The following RBFOX1 variants were observed in gnomAD, a reference collection of about 807,000 sequenced individuals.
The protein encoded by RBFOX1 is RNA binding fox-1 homolog 1, also known as RNA binding protein fox-1 homolog 1.
RBFOX1 carries 8 observed loss-of-function variants against 57.7 expected under a neutral mutation model. The observed-to-expected ratio is 0.14, with a 90% confidence interval of 0.08 to 0.25. The LOEUF (loss-of-function observed/expected upper bound fraction) is 0.25, where lower values mean the gene tolerates loss of function less well. Among genes scored for constraint, RBFOX1 ranks in the 10% least tolerant of loss-of-function variants. RBFOX1 has a pLI of 1.00. For synonymous variants in RBFOX1, 326 were observed against 222.4 expected, an observed-to-expected ratio of 1.47 and a Z score of -4.15; for missense variants, 611 against 548.5, an observed-to-expected ratio of 1.11 and a Z score of -1.14.
At chr16:6,473,257 T>C (rs1179141408) in intron 2 of RBFOX1, among the ~76,000 whole-genome samples, 1 of 152,208 alleles carries the variant, frequency 6.6e-6, no homozygotes, top group Non-Finnish European at 1.5e-5. Context: ...CCGAGGCTTT[T>C]TGTTGGCAGG....
chr16:5,788,206 G>C (rs868482911), intron 3 of RBFOX1, among the ~76,000 whole-genome samples: 1 of 152,202 alleles, frequency 6.6e-6, no homozygotes, highest in African/African-American at 2.4e-5. Context: ...TTGGCCGGTA[G>C]TTTATTTACC....
chr16:7,594,291 A>G, intron 7 of RBFOX1, among the ~76,000 whole-genome samples: 1 of 152,158 alleles, frequency 6.6e-6, no homozygotes, highest in East Asian at 1.9e-4. Context: ...GCATTTCTTT[A>G]GTAAAACTAA....
intron 3 of RBFOX1, among the ~76,000 whole-genome samples, chr16:6,873,568 C>T (rs1204769587): frequency 6.6e-6 from 1 of 152,100 alleles, no homozygotes; most frequent in Admixed American, 6.5e-5. Flanking sequence ...AACTTTGCTG[C>T]ATAAACTATT....
chr16:6,020,071 C>T, intron 1 of RBFOX1, 79 bp downstream of exon 1: 2 of 1,332,780 alleles, frequency 1.5e-6, no homozygotes, highest in Non-Finnish European at 1.9e-6. Flanking sequence ...TGGAGGGAAG[C>T]GCTAGGTCCC....
At chr16:7,176,947 A>T (rs1490872291) in intron 4 of RBFOX1, among the ~76,000 whole-genome samples, 1 of 152,198 alleles carries the variant, frequency 6.6e-6, no homozygotes, top group Non-Finnish European at 1.5e-5. Flanking sequence ...ATTTTATAGT[A>T]TCGCTTTAGT....
chr16:6,750,527 A>G (rs957380391), intron 3 of RBFOX1, among the ~76,000 whole-genome samples: 13 of 152,364 alleles, frequency 8.5e-5, no homozygotes, highest in Middle Eastern at 6.8e-3. Context: ...GCAGTTTATC[A>G]GAGATAGAAG....
At chr16:5,421,367 G>A (rs2151485682) in intron 1 of RBFOX1, among the ~76,000 whole-genome samples, 1 of 152,322 alleles carries the variant, frequency 6.6e-6, no homozygotes, top group Admixed American at 6.5e-5. Context: ...GCCTGAGTCT[G>A]GCTTCTTTCT....
chr16:5,910,496 A>G (rs577832013), intron 4 of RBFOX1, among the ~76,000 whole-genome samples: 1 of 152,316 alleles, frequency 6.6e-6, no homozygotes, highest in East Asian at 1.9e-4. Flanking sequence ...TGGCTACTAT[A>G]AGAATCTCTT....
At chr16:7,218,351 C>T (rs191963946) in intron 4 of RBFOX1, among the ~76,000 whole-genome samples, 1 of 152,122 alleles carries the variant, frequency 6.6e-6, no homozygotes, top group Non-Finnish European at 1.5e-5. Flanking sequence ...CTGGTTTTCA[C>T]CTTCTTCAGT....
chr16:6,157,517 C>G (rs1224776740), intron 1 of RBFOX1, among the ~76,000 whole-genome samples: 4 of 152,148 alleles, frequency 2.6e-5, no homozygotes, highest in African/African-American at 9.7e-5. Context: ...TAATCCTATT[C>G]TGCCAGGACT....
At chr16:5,974,694 T>G (rs1038105071) in intron 4 of RBFOX1, among the ~76,000 whole-genome samples, 1 of 151,730 alleles carries the variant, frequency 6.6e-6, no homozygotes, top group African/African-American at 2.4e-5. Context: ...ATTATTTGTA[T>G]AGAGGAACTT....
At chr16:5,608,269 G>C (rs2047658105) in intron 3 of RBFOX1, among the ~76,000 whole-genome samples, 1 of 152,206 alleles carries the variant, frequency 6.6e-6, no homozygotes, top group East Asian at 1.9e-4. Context: ...GACTGGGTCA[G>C]TGTTGCAAGG....
chr16:6,621,967 A>G (rs138945779), intron 2 of RBFOX1, among the ~76,000 whole-genome samples: 362 of 152,334 alleles, frequency 2.4e-3, no homozygotes, highest in African/African-American at 8.1e-3. Context: ...CAAAGGTGCT[A>G]CATAATTGCT....
At chr16:7,002,321 C>G (rs991206563) in intron 3 of RBFOX1, among the ~76,000 whole-genome samples, 1 of 152,196 alleles carries the variant, frequency 6.6e-6, no homozygotes, top group African/African-American at 2.4e-5. Context: ...TCCTCTAAAG[C>G]TATTTTGTGT....
At chr16:7,083,344 G>A (rs1345959367) in intron 4 of RBFOX1, among the ~76,000 whole-genome samples, 3 of 152,010 alleles carry the variant, frequency 2.0e-5, no homozygotes, top group African/African-American at 4.8e-5. Context: ...CTCATTCCTT[G>A]CAGAGGGACC....
At chr16:6,770,918 T>C (rs1408016145) in intron 3 of RBFOX1, among the ~76,000 whole-genome samples, 1 of 152,144 alleles carries the variant, frequency 6.6e-6, no homozygotes, top group African/African-American at 2.4e-5. Context: ...GGTCTGAGAA[T>C]TACCTCTTAT....
chr16:7,189,853 G>T (rs1450066028), intron 4 of RBFOX1, among the ~76,000 whole-genome samples: 1 of 152,118 alleles, frequency 6.6e-6, no homozygotes, highest in Admixed American at 6.5e-5. Context: ...TGTACATCTT[G>T]ATCGCCTTTA....
intron 3 of RBFOX1, among the ~76,000 whole-genome samples, chr16:6,683,885 G>A (rs35055287): frequency 0.29 from 44,079 of 152,100 alleles, 7,240 homozygotes; most frequent in East Asian, 0.54. Context: ...TATTTTACAC[G>A]AAATGGTTGT....
At chr16:5,880,606 C>T (rs1339546951) in intron 4 of RBFOX1, among the ~76,000 whole-genome samples, 1 of 152,048 alleles carries the variant, frequency 6.6e-6, no homozygotes, top group African/African-American at 2.4e-5. Flanking sequence ...CTAGAGGTCA[C>T]CTTGGTAGTC....
Sources: allele counts gnomAD v4.1 joint callset (sites outside exome capture counted in the v4.1 genomes callset), GRCh38; gene constraint gnomAD v4.1.1; transcripts MANE v1.5; gene names NCBI Gene and HGNC (gene_info 2026-07-23, HGNC 2026-07-21).